The following ITGA9 variants were observed in gnomAD, a reference collection of about 807,000 sequenced individuals.
The protein encoded by ITGA9 is integrin subunit alpha 9.
ITGA9 carries 56 observed loss-of-function variants against 127.8 expected under a neutral mutation model. The ratio of observed to expected loss-of-function variants is 0.44; its 90% CI spans 0.35 to 0.55. The LOEUF (loss-of-function observed/expected upper bound fraction) is 0.55. Ranked by LOEUF, ITGA9 falls within the 20% of genes least tolerant of loss-of-function variation. ITGA9 has a pLI of 0.00. For missense variants in ITGA9, 1,196 were observed against 1,347.1 expected, an observed-to-expected ratio of 0.89 and a Z score of 1.76; for synonymous variants, 508 against 514.5, an observed-to-expected ratio of 0.99 and a Z score of 0.17.
At chr3:37,532,392 G>T (rs1699160895) in intron 13 of ITGA9, among the ~76,000 whole-genome samples, 1 of 152,226 alleles carries the variant, frequency 6.6e-6, no homozygotes, top group Non-Finnish European at 1.5e-5. Flanking sequence ...CTCTTTGAGG[G>T]ATCATTGTAC....
chr3:37,615,407 G>A (rs1307573046), intron 15 of ITGA9, among the ~76,000 whole-genome samples: 1 of 152,156 alleles, frequency 6.6e-6, no homozygotes, highest in African/African-American at 2.4e-5. Flanking sequence ...TGTTCATCAG[G>A]GATACTGGTC....
At chr3:37,668,083 C>T (rs1384443018) in intron 17 of ITGA9, among the ~76,000 whole-genome samples, 1 of 152,172 alleles carries the variant, frequency 6.6e-6, no homozygotes, top group African/African-American at 2.4e-5. Context: ...GCCCACCATA[C>T]ATGAGCAACA....
At chr3:37,618,402 G>A (rs1329797600) in intron 15 of ITGA9, among the ~76,000 whole-genome samples, 3 of 152,306 alleles carry the variant, frequency 2.0e-5, no homozygotes, top group South Asian at 2.1e-4. Context: ...TAGGCTACTC[G>A]GGGGCCAGGG....
rs1028713741 is a variant in ITGA9, at chr3:37,821,447, A to G, written c.*2458A>G. ...ATGCAGTGGCATGTGGACTTTTTGA[A>G]TGGGATGCCATTTGCAGCTTTCCTT... On this transcript the variant is annotated 3_prime_UTR_variant, in exon 28 of 28. Transcript: ENST00000264741. 3 of 152,126 alleles carry G rather than the reference A, an allele frequency of 2.0e-5. No individual in the cohort carries two copies. Among genetic ancestry groups the G allele is most frequent in the African/African-American group, 4.8e-5 (2 of 41,432 alleles). The allele number at this position is 152,126 out of a possible 1,614,324, so 9.4% of individuals were successfully genotyped here.
intron 9 of ITGA9, among the ~76,000 whole-genome samples, chr3:37,516,920 G>C (rs905892964): frequency 2.0e-5 from 3 of 151,862 alleles, no homozygotes; most frequent in African/African-American, 7.3e-5. Flanking sequence ...ATTTTCTCAG[G>C]AAATTCATAC....
chr3:37,766,636 C>G (rs2125545162), intron 23 of ITGA9, among the ~76,000 whole-genome samples: 1 of 152,266 alleles, frequency 6.6e-6, no homozygotes, highest in East Asian at 1.9e-4. Context: ...CATTCTTTAC[C>G]TTAAGATGGG....
chr3:37,546,677 G>A (rs1699329496), intron 15 of ITGA9, among the ~76,000 whole-genome samples: 1 of 152,196 alleles, frequency 6.6e-6, no homozygotes. Flanking sequence ...GAACCTTGTT[G>A]GAGTGACTAA....
chr3:37,519,268 A>G lies in ITGA9; in HGVS notation c.1150A>G (p.Ile384Val). The change falls in exon 11 of 28, where the codon ATT (isoleucine) becomes GTT (valine). Residue 384 changes from isoleucine (I) to valine (V), a missense_variant. Ile to Val is a conservative substitution (Grantham distance 29, BLOSUM62 3). Coordinates refer to ENST00000264741, the MANE Select transcript of ITGA9 (RefSeq NM_002207.3). ...LDNDGFPDVA[I>V]GAPKEDDFAG... ...TGTTTTTTTACCCTCAGATGTGGCC[A>G]TTGGTGCACCCAAGGAGGATGACTT... 1 of 1,613,922 alleles carries G rather than the reference A, an allele frequency of 6.2e-7. No individual in the cohort carries two copies. The highest frequency in any genetic ancestry group is 1.1e-5 in the South Asian group (1 of 91,052).
At chr3:37,619,739 A>T (rs1700109925) in intron 15 of ITGA9, among the ~76,000 whole-genome samples, 1 of 152,238 alleles carries the variant, frequency 6.6e-6, no homozygotes. Context: ...CAGATCTTTT[A>T]TGCGGCTTGG....
At chr3:37,744,088 G>T in intron 22 of ITGA9, 54 bp downstream of exon 22, 1 of 1,162,814 alleles carries the variant, frequency 8.6e-7, no homozygotes, top group Non-Finnish European at 1.3e-6. Flanking sequence ...AAGGGCACAT[G>T]GGATGTCTCT....
At chr3:37,505,282 A>G (rs1698828413) in intron 6 of ITGA9, among the ~76,000 whole-genome samples, 2 of 152,218 alleles carry the variant, frequency 1.3e-5, no homozygotes, top group Admixed American at 1.3e-4. Flanking sequence ...TTCTTCATAA[A>G]GTTTTTAGAC....
intron 16 of ITGA9, among the ~76,000 whole-genome samples, chr3:37,636,617 G>A (rs1246955993): frequency 6.6e-6 from 1 of 152,150 alleles, no homozygotes; most frequent in Non-Finnish European, 1.5e-5. Context: ...CTTTTGCTGT[G>A]CATAAGCTCT....
chr3:37,476,359 CT>C (rs113329871), intron 3 of ITGA9, among the ~76,000 whole-genome samples: 2,778 of 146,254 alleles, frequency 0.019, 68 homozygotes, highest in South Asian at 0.085. Flanking sequence ...TATTGTTTTC[CT>C]TTTTTTTTTT....
At chr3:37,587,762 T>C (rs887113429) in intron 15 of ITGA9, among the ~76,000 whole-genome samples, 6 of 152,270 alleles carry the variant, frequency 3.9e-5, no homozygotes, top group African/African-American at 1.2e-4. Context: ...GTAGGAATTA[T>C]GTTCTCCGTT....
chr3:37,721,653 G>A (rs116633329), intron 18 of ITGA9, among the ~76,000 whole-genome samples: 2,101 of 152,252 alleles, frequency 0.014, 49 homozygotes, highest in African/African-American at 0.047. Flanking sequence ...TTCCCCAAGT[G>A]CATGGGTAAT....
chr3:37,693,041 G>A (rs1241712289), intron 18 of ITGA9, among the ~76,000 whole-genome samples: 1 of 152,204 alleles, frequency 6.6e-6, no homozygotes, highest in Non-Finnish European at 1.5e-5. Flanking sequence ...AAGTGAGGAA[G>A]AGGGGTGATT....
chr3:37,700,970 A>G (rs1477993161), intron 18 of ITGA9, among the ~76,000 whole-genome samples: 2 of 152,190 alleles, frequency 1.3e-5, no homozygotes, highest in Non-Finnish European at 2.9e-5. Flanking sequence ...TGGTGATTGC[A>G]TCTTGCTGTA....
chr3:37,718,293 TG>T (rs1230641807), intron 18 of ITGA9, among the ~76,000 whole-genome samples: 3 of 152,232 alleles, frequency 2.0e-5, no homozygotes, highest in African/African-American at 7.2e-5. Context: ...GGGCTTCCTC[TG>T]GGAGCACAGC....
intron 15 of ITGA9, among the ~76,000 whole-genome samples, chr3:37,586,128 A>T (rs1448174549): frequency 6.6e-6 from 1 of 152,216 alleles, no homozygotes; most frequent in Non-Finnish European, 1.5e-5. Flanking sequence ...GTTTTGTCTA[A>T]TATTGCCTGT....
Sources: allele counts gnomAD v4.1 joint callset (sites outside exome capture counted in the v4.1 genomes callset), GRCh38; gene constraint gnomAD v4.1.1; transcripts MANE v1.5; gene names NCBI Gene and HGNC (gene_info 2026-07-23, HGNC 2026-07-21).